The following LTN1 variants were observed in gnomAD, a reference collection of about 807,000 sequenced individuals.
LTN1 encodes listerin E3 ubiquitin protein ligase 1.
LTN1 carries 88 observed loss-of-function variants against 201.2 expected under a neutral mutation model. The observed-to-expected ratio is 0.44, with a 90% confidence interval of 0.37 to 0.52. The LOEUF (loss-of-function observed/expected upper bound fraction) is 0.52. Among genes scored for constraint, LTN1 ranks in the 20% least tolerant of loss-of-function variants. The pLI, the probability that LTN1 is intolerant of heterozygous loss-of-function variation, is 0.00. For synonymous variants in LTN1, 645 were observed against 713.5 expected, an observed-to-expected ratio of 0.90 and a Z score of 1.53; for missense variants, 1,752 against 2,038.7, an observed-to-expected ratio of 0.86 and a Z score of 2.71.
At position 28,967,007 on chromosome 21, in the gene LTN1, G is replaced by C. The variant is rs1293339162; in HGVS notation, c.1484C>G (p.Ser495Ter). The C allele has an allele frequency of 6.2e-7, 1 of 1,613,926 alleles. No individual in the cohort carries two copies. Residue 495 changes from serine (S) to a stop codon, truncating the protein, a stop_gained, in exon 10 of 30, where the codon TCA becomes TGA. Coordinates refer to ENST00000361371, the MANE Select transcript of LTN1 (RefSeq NM_015565.3). LOFTEE classifies it high-confidence loss of function. ...NVLIHFWERL[S>*]EICVAKISEP... Reference sequence around the variant, plus strand: ...ACTGATTTTCGCAACACAGATCTCTGACAGTCTTTCCCAGAAATGTATCAG... The same window carrying C: ...ACTGATTTTCGCAACACAGATCTCTCACAGTCTTTCCCAGAAATGTATCAG...
chr21:28,959,656 TAACAATGATTCTTTC>T lies in LTN1; in HGVS notation c.2380_2394del (p.Glu794_Val798del). ...GTTTTGAATAAAGTTTCATGAAGTC[TAACAATGATTCTTTC>T]AACATATACGTCTCCAATCAAGTAA... On this transcript the variant is annotated inframe_deletion, in exon 13 of 30. Coordinates refer to ENST00000361371, the MANE Select transcript of LTN1 (RefSeq NM_015565.3). 1 of 1,613,348 alleles carries T rather than the reference TAACAATGATTCTTTC, an allele frequency of 6.2e-7. No homozygotes were observed. Among genetic ancestry groups the T allele is most frequent in the Non-Finnish European group, 8.5e-7 (1 of 1,179,598 alleles).
At chr21:28,948,191 C>CTAA (rs2084355322) in intron 18 of LTN1, among the ~76,000 whole-genome samples, 2 of 73,146 alleles carry the variant, frequency 2.7e-5, no homozygotes, top group East Asian at 3.6e-4. Flanking sequence ...AACTCTGTTT[C>CTAA]AAAAAAAAAA....
chr21:28,931,374 AT>A, intron 28 of LTN1, 52 bp from the exon 29 acceptor site: 1 of 1,017,766 alleles, frequency 9.8e-7, no homozygotes, highest in Non-Finnish European at 1.4e-6. Context: ...CACCAATTTT[AT>A]TTTTATTCAA....
chr21:28,984,633 C>T lies in LTN1; in HGVS notation c.576+59G>A, dbSNP rs573275353. 498 of 1,245,240 alleles carry T rather than the reference C, an allele frequency of 4.0e-4. 4 individuals are homozygous for T. In the South Asian group the frequency reaches 5.4e-3, roughly 13 times the overall value. The allele number at this position is 1,245,240 out of a possible 1,614,324, so 77.1% of individuals were successfully genotyped here. A position where few individuals can be genotyped will look rare whatever the true frequency, so the allele number is the denominator to read the frequency against. On this transcript the variant is annotated intron_variant, in intron 4 of 29. Coordinates refer to ENST00000361371, the MANE Select transcript of LTN1 (RefSeq NM_015565.3). ...CCCAAGTAAAAGAGCTGTCATTATG[C>T]TTATAACCCTTAAATACTTAAAAAA...
chr21:28,960,591 C>T lies in LTN1; in HGVS notation c.2279G>A (p.Arg760Lys). ...DCLCNEDLES[R>K]VSSESHFSER... ...TGAGAAGTGAGATTCTGAAGATACC[C>T]TGGATTCCAAGTCCTCATTACAAAG... The change falls in exon 12 of 30, where the codon AGG becomes AAG. Residue 760 changes from arginine to lysine, a missense_variant. Coordinates refer to ENST00000361371, the MANE Select transcript of LTN1 (RefSeq NM_015565.3). 1 of 1,613,788 alleles carries T rather than the reference C, an allele frequency of 6.2e-7. No homozygotes were observed. Among genetic ancestry groups the T allele is most frequent in the Non-Finnish European group, 8.5e-7 (1 of 1,179,774 alleles).
chr21:28,932,953 G>C (rs1568830044), intron 27 of LTN1, among the ~76,000 whole-genome samples: 1 of 152,168 alleles, frequency 6.6e-6, no homozygotes, highest in African/African-American at 2.4e-5. Context: ...ACCTTGAATA[G>C]ATAAGTGACA....
At chr21:28,960,398 TTGAA>T in intron 12 of LTN1, 115 bp downstream of exon 12, 1 of 701,012 alleles carries the variant, frequency 1.4e-6, no homozygotes, top group Non-Finnish European at 2.2e-6. Flanking sequence ...AAAAAAAAAT[TTGAA>T]TGAGTAAGTC....
rs772950564 is a variant in LTN1 at position 28,984,796 on chromosome 21, T to C, written c.472A>G (p.Thr158Ala). 5 of 1,614,158 alleles carry C rather than the reference T, an allele frequency of 3.1e-6. No homozygotes were observed. The highest frequency in any genetic ancestry group is 3.4e-6 in the Non-Finnish European group (4 of 1,179,990). ...GCTGCAAACGCAGCTGGTGTGTAAG[T>C]ATCACACTGAGCCATTAGCCAATAT... ...MGYWLMAQCD[T>A]YTPAAFAAKD... The change falls in exon 4 of 30, where the codon ACT (threonine) becomes GCT (alanine). Residue 158 changes from threonine to alanine, a missense_variant. Transcript: ENST00000361371.
At chr21:28,992,377 TCTGCGGTAA>T (rs1431101072) in intron 1 of LTN1, among the ~76,000 whole-genome samples, 1 of 152,146 alleles carries the variant, frequency 6.6e-6, no homozygotes, top group Non-Finnish European at 1.5e-5. Context: ...AGAGGCACAA[TCTGCGGTAA>T]CCTCCACAGT....
At chr21:28,960,072 C>T (rs975768494) in intron 12 of LTN1, among the ~76,000 whole-genome samples, 2 of 151,842 alleles carry the variant, frequency 1.3e-5, no homozygotes, top group African/African-American at 2.4e-5. Flanking sequence ...TACAATATTA[C>T]GATATGTAAA....
At chr21:28,967,313 C>A (rs1035414312) in intron 9 of LTN1, 134 bp from the exon 10 acceptor site, 2 of 668,232 alleles carry the variant, frequency 3.0e-6, no homozygotes, top group Admixed American at 5.9e-5. Flanking sequence ...TGATGGCTGG[C>A]AGCACCTGTA....
At chr21:28,979,565 TCAAG>T (rs1192129072) in intron 6 of LTN1, among the ~76,000 whole-genome samples, 1 of 152,152 alleles carries the variant, frequency 6.6e-6, no homozygotes, top group Non-Finnish European at 1.5e-5. Context: ...AATTAAAAAC[TCAAG>T]CACACACAAA....
intron 12 of LTN1, 84 bp downstream of exon 12, chr21:28,960,433 C>A: frequency 9.6e-7 from 1 of 1,046,960 alleles, no homozygotes; most frequent in South Asian, 1.7e-5. Context: ...TAACCAATAA[C>A]ACATAAGCTG....
chr21:28,986,348 CT>C lies in LTN1; in HGVS notation c.247-112del. 1 of 725,930 alleles carries C rather than the reference CT, an allele frequency of 1.4e-6. No individual in the cohort carries two copies. The highest frequency in any genetic ancestry group is 1.6e-5 in the South Asian group (1 of 62,818). 45.0% of individuals were successfully genotyped at this position (725,930 alleles called of 1,614,324 possible). Reference sequence around the variant, plus strand: ...TATGTAATAGGAGAATACACTATTTCTCTTTATGCCATATGAGACTAGTTTG... The same window carrying C: ...TATGTAATAGGAGAATACACTATTTCCTTTATGCCATATGAGACTAGTTTG... On this transcript the variant is annotated intron_variant, in intron 2 of 29. Coordinates refer to ENST00000361371, the MANE Select transcript of LTN1 (RefSeq NM_015565.3). This position sits in a 1 kb window ranked among gnomAD's most constrained non-coding sequence, Gnocchi z 4.1.
intron 3 of LTN1, among the ~76,000 whole-genome samples, chr21:28,985,186 C>T (rs2084688002): frequency 6.6e-6 from 1 of 152,090 alleles, no homozygotes; most frequent in Non-Finnish European, 1.5e-5. Flanking sequence ...GAGGCCGAGC[C>T]TGGTGGCTCG....
chr21:28,952,131 C>T, intron 18 of LTN1, 29 bp downstream of exon 18: 1 of 1,396,694 alleles, frequency 7.2e-7, no homozygotes. Context: ...CAGTAAACTA[C>T]AAAGTAAAAA....
chr21:28,945,485 TA>T (rs2084330023), intron 21 of LTN1, among the ~76,000 whole-genome samples: 1 of 152,152 alleles, frequency 6.6e-6, no homozygotes, highest in Admixed American at 6.5e-5. Flanking sequence ...ATAATCTAAT[TA>T]TAACCAAAAA....
intron 5 of LTN1, among the ~76,000 whole-genome samples, chr21:28,981,858 C>A (rs1170527751): frequency 6.6e-6 from 1 of 152,186 alleles, no homozygotes; most frequent in Non-Finnish European, 1.5e-5. Flanking sequence ...GCACTTAATA[C>A]AGCATCTCAC....
At chr21:28,959,256 T>A in intron 13 of LTN1, 1 of 517,922 alleles carries the variant, frequency 1.9e-6, no homozygotes, top group East Asian at 3.3e-5. Context: ...GAATATCAAG[T>A]GAGATCTTTA....
Sources: allele counts gnomAD v4.1 joint callset (sites outside exome capture counted in the v4.1 genomes callset), GRCh38; gene constraint gnomAD v4.1.1; non-coding constraint Gnocchi (gnomAD v3.1); transcripts MANE v1.5; gene names NCBI Gene and HGNC (gene_info 2026-07-23, HGNC 2026-07-21).